The following MAP3K19 variants were observed in gnomAD, a reference collection of about 807,000 sequenced individuals.
The protein encoded by MAP3K19 is SPS1/STE20-related protein kinase YSK4.
A neutral mutation model predicts 114.4 loss-of-function variants in MAP3K19; 91 were observed. The ratio of observed to expected loss-of-function variants is 0.80; its 90% confidence interval spans 0.67 to 0.95. The LOEUF (loss-of-function observed/expected upper bound fraction) is 0.95. Ranked by LOEUF, MAP3K19 falls within the 40% of genes least tolerant of loss-of-function variation. MAP3K19 has a pLI of 0.00. For synonymous variants in MAP3K19, 518 were observed against 530.5 expected (o/e 0.98, Z 0.32); for missense variants, 1,471 against 1,573.2 (o/e 0.94, Z 1.10).
chr2:134,987,460 G>A lies in MAP3K19; in HGVS notation c.1412C>T (p.Ala471Val). 1 of 1,614,088 alleles carries A rather than the reference G, an allele frequency of 6.2e-7. No individual in the cohort carries two copies. Among genetic ancestry groups the A allele is most frequent in the Non-Finnish European group, 8.5e-7 (1 of 1,180,024 alleles). ...SMETNIKISI[A>V]ERAKPEMSRM... The stretch of plus-strand genomic sequence containing the variant: ...ACTCATTTCTGGTTTGGCTCTTTCT[G>A]CTATTGATATTTTTATGTTTGTCTC... The change falls in exon 10 of 13, where the codon GCA (alanine) becomes GTA (valine). Residue 471 changes from alanine to valine, a missense_variant. Ala to Val is a moderately conservative substitution (Grantham distance 64). Coordinates refer to ENST00000392915, the MANE Select transcript of MAP3K19 (RefSeq NM_025052.5).
chr2:135,038,042 T>C (rs1688569600), intron 2 of MAP3K19, among the ~76,000 whole-genome samples: 1 of 151,658 alleles, frequency 6.6e-6, no homozygotes, highest in Admixed American at 6.6e-5. Context: ...TGTCTGCGAG[T>C]GAAAGGGCCT....
intron 5 of MAP3K19, among the ~76,000 whole-genome samples, chr2:135,012,198 G>A (rs1429701075): frequency 6.6e-6 from 1 of 152,036 alleles, no homozygotes; most frequent in Non-Finnish European, 1.5e-5. Context: ...GGGGGCTGTC[G>A]TGTGTCTGAT....
At chr2:135,011,524 G>C (rs188077289) in intron 5 of MAP3K19, among the ~76,000 whole-genome samples, 2 of 133,048 alleles carry the variant, frequency 1.5e-5, no homozygotes, top group African/African-American at 6.1e-5. Context: ...GCGACAGAGC[G>C]AGACTCTGTC....
In MAP3K19 at chr2:134,981,145, A is replaced by G. The variant is rs56284052; in HGVS notation, c.3596T>C (p.Ile1199Thr). Residue 1199 changes from isoleucine to threonine, a missense_variant, in exon 12 of 13, where the codon ATA becomes ACA. Physicochemically the swap from Ile to Thr is moderately conservative, Grantham distance 89. Coordinates refer to ENST00000392915, the MANE Select transcript of MAP3K19 (RefSeq NM_025052.5). The part of the protein sequence containing the change: ...GNNVMLMPTG[I>T]IKLIDFGCAR... ...ACAGCCAAAGTCAATCAGCTTTATT[A>G]TTCCAGTTGGCATGAGCATAACATT... is the stretch of plus-strand genomic sequence containing the variant. 1.7e-3 allele frequency: 2,751 copies of G among 1,614,180 alleles called. 4 individuals are homozygous for G. Among genetic ancestry groups the G allele is most frequent in the Middle Eastern group, 2.8e-3 (17 of 6,062 alleles).
chr2:135,012,734 T>C (rs1687316527), intron 5 of MAP3K19, among the ~76,000 whole-genome samples: 1 of 152,226 alleles, frequency 6.6e-6, no homozygotes, highest in Non-Finnish European at 1.5e-5. Flanking sequence ...GCATCATCTA[T>C]TGACTTATTA....
chr2:134,964,571 C>A lies in MAP3K19; in HGVS notation c.*279G>T. On this transcript the variant is annotated 3_prime_UTR_variant, in exon 13 of 13. Transcript: ENST00000392915. ...AAATAAAAAGAAATGTCATATAAAA[C>A]AATAGAGAATGTAGTTCCTGGACAA... is the stretch of plus-strand genomic sequence containing the variant. 8.3e-6 allele frequency: 2 copies of A among 240,286 alleles called. No homozygotes were observed. Among genetic ancestry groups the A allele is most frequent in the Non-Finnish European group, 1.6e-5 (2 of 124,768 alleles). The allele number at this position is 240,286 out of a possible 1,614,324, so 14.9% of individuals were successfully genotyped here. A position where few individuals can be genotyped will look rare whatever the true frequency, so the allele number is the denominator to read the frequency against.
chr2:135,030,939 T>C (rs1438936813), intron 2 of MAP3K19, among the ~76,000 whole-genome samples: 2 of 152,016 alleles, frequency 1.3e-5, no homozygotes, highest in Non-Finnish European at 2.9e-5. Flanking sequence ...CTCTAAAAAA[T>C]ACAAAAACAA....
chr2:135,000,872 A>T (rs1054188681), intron 6 of MAP3K19, among the ~76,000 whole-genome samples: 20 of 152,178 alleles, frequency 1.3e-4, no homozygotes, highest in African/African-American at 4.6e-4. Flanking sequence ...TATGAGCTCC[A>T]CTAATTAAAG....
chr2:134,981,445 A>G lies in MAP3K19; in HGVS notation c.3296T>C (p.Leu1099Ser), dbSNP rs750294347. 1 of 1,614,192 alleles carries G rather than the reference A, an allele frequency of 6.2e-7. No homozygotes were observed. The highest frequency in any genetic ancestry group is 1.1e-5 in the South Asian group (1 of 91,084). ...KQVALDTSNKLAAEKEYRKLQ... is the reference protein window; with the variant it reads ...KQVALDTSNKSAAEKEYRKLQ... ...TTTCCGGTATTCCTTTTCAGCAGCTAATTTATTAGAGGTATCCAAAGCCAC... is the reference window on the plus strand; with the variant it reads ...TTTCCGGTATTCCTTTTCAGCAGCTGATTTATTAGAGGTATCCAAAGCCAC... Residue 1099 changes from leucine (L) to serine (S), a missense_variant, in exon 12 of 13, where the codon TTA becomes TCA. Coordinates refer to ENST00000392915, the MANE Select transcript of MAP3K19 (RefSeq NM_025052.5).
At chr2:134,991,486 A>G (rs1685572590) in intron 9 of MAP3K19, 51 bp downstream of exon 9, 1 of 1,484,464 alleles carries the variant, frequency 6.7e-7, no homozygotes, top group Non-Finnish European at 9.4e-7. Flanking sequence ...ATTAGTGAAT[A>G]GAGTTGTTTG....
At chr2:135,022,860 A>G (rs1252786529) in intron 4 of MAP3K19, among the ~76,000 whole-genome samples, 1 of 152,210 alleles carries the variant, frequency 6.6e-6, no homozygotes, top group Non-Finnish European at 1.5e-5. Flanking sequence ...ATAGTTGCCC[A>G]GGACAAAGAC....
intron 5 of MAP3K19, among the ~76,000 whole-genome samples, chr2:135,010,421 AAT>A (rs2105331709): frequency 6.6e-6 from 1 of 152,334 alleles, no homozygotes; most frequent in Admixed American, 6.5e-5. Context: ...GGAGAATTGA[AAT>A]AGTGTCATCT....
intron 6 of MAP3K19, among the ~76,000 whole-genome samples, chr2:135,000,320 G>A (rs917504644): frequency 2.6e-5 from 4 of 152,110 alleles, no homozygotes; most frequent in African/African-American, 9.7e-5. Flanking sequence ...AAAGTGTAAC[G>A]ACACCTATCT....
chr2:134,976,073 C>T (rs1406064624), intron 12 of MAP3K19, among the ~76,000 whole-genome samples: 2 of 152,204 alleles, frequency 1.3e-5, no homozygotes, highest in African/African-American at 4.8e-5. Flanking sequence ...GATCTGGCCA[C>T]TCCACTGGGT....
chr2:135,028,319 G>T (rs1264017592), intron 3 of MAP3K19, among the ~76,000 whole-genome samples: 3 of 152,160 alleles, frequency 2.0e-5, no homozygotes, highest in Non-Finnish European at 4.4e-5. Context: ...ACTTTAGAAG[G>T]CTGAGGCATG....
intron 12 of MAP3K19, among the ~76,000 whole-genome samples, chr2:134,967,695 C>T (rs1416207805): frequency 2.6e-5 from 4 of 152,148 alleles, no homozygotes; most frequent in African/African-American, 4.8e-5. Context: ...ATCACCTTGC[C>T]CTCCTACTAC....
intron 12 of MAP3K19, among the ~76,000 whole-genome samples, chr2:134,971,437 T>C (rs1318377434): frequency 1.3e-5 from 2 of 152,208 alleles, no homozygotes; most frequent in Non-Finnish European, 2.9e-5. Flanking sequence ...GCTGGCTTCA[T>C]TGAATGAGTT....
At chr2:135,015,815 C>A (rs188620387) in intron 5 of MAP3K19, among the ~76,000 whole-genome samples, 4 of 151,958 alleles carry the variant, frequency 2.6e-5, no homozygotes, top group African/African-American at 9.7e-5. Context: ...ATCCCTTGAA[C>A]CAGGGAGTTG....
intron 8 of MAP3K19, among the ~76,000 whole-genome samples, chr2:134,997,820 A>AAAAAAAAAAAAAAACAAAAAAC (rs61650738): frequency 6.7e-6 from 1 of 148,418 alleles, no homozygotes; most frequent in African/African-American, 2.5e-5. Context: ...TCCGTCTCAA[A>AAAAAAAAAAAAAAACAAAAAAC]AAAAAAAAAA....
Sources: gnomAD v4.1 joint callset for allele counts (sites outside exome capture counted in the v4.1 genomes callset) on GRCh38, gnomAD v4.1.1 for gene constraint, MANE v1.5 for transcripts, NCBI Gene and HGNC (gene_info 2026-07-23, HGNC 2026-07-21) for gene names.